Variants in SH3RF3 observed in about 807,000 individuals in gnomAD.
SH3RF3 encodes E3 ubiquitin-protein ligase SH3RF3.
Under a neutral mutation model 66.3 loss-of-function variants are expected in SH3RF3, and 29 were observed. The ratio of observed to expected loss-of-function variants is 0.44; its 90% CI spans 0.33 to 0.60. The LOEUF (loss-of-function observed/expected upper bound fraction) is 0.60, where lower values mean the gene tolerates loss of function less well. SH3RF3 is among the 20% of genes least tolerant of loss of function. The pLI is 0.04. For synonymous variants in SH3RF3, 583 were observed against 532.0 expected (o/e 1.10, Z -1.32); for missense variants, 1,194 against 1,190.9 (o/e 1.00, Z -0.04).
In SH3RF3 at chr2:109,129,976, G is replaced by GC; in HGVS notation, c.441dup (p.Thr148HisfsTer65). On this transcript the variant is annotated frameshift_variant, in exon 1 of 10. Coordinates refer to ENST00000309415, the MANE Select transcript of SH3RF3 (RefSeq NM_001099289.3). LOFTEE classifies it high-confidence loss of function. The stretch of plus-strand genomic sequence containing the variant: ...GCGTCCCATCCCAGGCCAGAGTGCG[G>GC]CCCCCACGCTCGCGGGCGGCGGGGG... 7.6e-7 allele frequency: 1 copy of GC among 1,323,316 alleles called. No individual in the cohort carries two copies. The highest frequency in any genetic ancestry group is 1.5e-5 in the African/African-American group (1 of 64,928). The allele number at this position is 1,323,316 out of a possible 1,614,324, so 82.0% of individuals were successfully genotyped here. A position where few individuals can be genotyped will look rare whatever the true frequency, so the allele number is the denominator to read the frequency against.
intron 1 of SH3RF3, among the ~76,000 whole-genome samples, chr2:109,227,890 T>G (rs1022793319): frequency 2.0e-5 from 3 of 152,264 alleles, no homozygotes; most frequent in African/African-American, 7.2e-5. Context: ...CAACTGCAGT[T>G]CCCTGTAGGC....
chr2:109,455,691 C>G (rs563032664), intron 8 of SH3RF3, among the ~76,000 whole-genome samples: 15 of 152,186 alleles, frequency 9.9e-5, no homozygotes, highest in African/African-American at 2.9e-4. Context: ...TATTTCCTCT[C>G]GAGTGGAGGC....
chr2:109,236,909 T>C (rs1309839445), intron 1 of SH3RF3, among the ~76,000 whole-genome samples: 1 of 152,080 alleles, frequency 6.6e-6, no homozygotes, highest in Non-Finnish European at 1.5e-5. Flanking sequence ...AAGGCATAAG[T>C]ATAGTTCTAG....
Position 109,224,713 on chromosome 2 carries a change from C to T in SH3RF3, c.573+94600C>T, listed in dbSNP as rs141487982. 2.6e-3 allele frequency among the ~76,000 whole-genome samples: 401 copies of T among 152,172 alleles called. 2 individuals carry two copies. The highest frequency in any genetic ancestry group is 9.3e-3 in the African/African-American group (386 of 41,500). On this transcript the variant is annotated intron_variant, in intron 1 of 9. Transcript: ENST00000309415. Reference sequence around the variant, plus strand: ...TCTCTACTAAAATACAAAAATTAGCCCAGCATGGTGGTGGGCACCTGTAAT... The same window carrying T: ...TCTCTACTAAAATACAAAAATTAGCTCAGCATGGTGGTGGGCACCTGTAAT...
chr2:109,381,458 G>A (rs1306853194), intron 3 of SH3RF3, among the ~76,000 whole-genome samples: 3 of 152,156 alleles, frequency 2.0e-5, no homozygotes, highest in African/African-American at 7.2e-5. Flanking sequence ...CGGAGACAGA[G>A]TTCTCACACC....
chr2:109,455,341 A>G (rs1288830777), intron 8 of SH3RF3, among the ~76,000 whole-genome samples: 1 of 152,140 alleles, frequency 6.6e-6, no homozygotes, highest in Non-Finnish European at 1.5e-5. Context: ...ACAATGAATC[A>G]CTTACCAGTC....
chr2:109,411,229 G>A (rs560227244), intron 4 of SH3RF3, among the ~76,000 whole-genome samples: 1 of 152,316 alleles, frequency 6.6e-6, no homozygotes, highest in Non-Finnish European at 1.5e-5. Flanking sequence ...GTACATCCAG[G>A]CAGTGCGCAG....
chr2:109,363,885 T>A (rs927618808), intron 2 of SH3RF3, among the ~76,000 whole-genome samples: 4 of 152,208 alleles, frequency 2.6e-5, no homozygotes, highest in Non-Finnish European at 5.9e-5. Flanking sequence ...TCTTTCAGGA[T>A]TTTTTCTTTA....
In SH3RF3 at chr2:109,332,019, G is replaced by A. The variant is rs76814213; in HGVS notation, c.574-15655G>A. 8.4e-3 allele frequency among the ~76,000 whole-genome samples: 1,275 copies of A among 152,298 alleles called. 14 individuals carry two copies. The highest frequency in any genetic ancestry group is 0.044 in the East Asian group (228 of 5,172). ...GATGCCGGCTGAGCCTGGGAGCAGC[G>A]GTTACCGGAAATCTGTGGCTTTCTG... On this transcript the variant is annotated intron_variant, in intron 1 of 9. Transcript: ENST00000309415.
chr2:109,470,312 C>G (rs1678469065), intron 8 of SH3RF3, among the ~76,000 whole-genome samples: 1 of 152,168 alleles, frequency 6.6e-6, no homozygotes, highest in Non-Finnish European at 1.5e-5. Context: ...GAAATCCATG[C>G]TTGCATTTCG....
intron 1 of SH3RF3, among the ~76,000 whole-genome samples, chr2:109,250,201 A>G (rs188920517): frequency 4.3e-4 from 65 of 151,104 alleles, no homozygotes; most frequent in Admixed American, 3.8e-3. Flanking sequence ...AGGTTTTGAT[A>G]TAATTCAGGA....
At chr2:109,252,125 T>C (rs954245878) in intron 1 of SH3RF3, among the ~76,000 whole-genome samples, 35 of 152,010 alleles carry the variant, frequency 2.3e-4, no homozygotes, top group Non-Finnish European at 2.2e-4. Flanking sequence ...AGGCCTATAG[T>C]CTCAGCTACT....
rs1289949224 is a variant in SH3RF3, at chr2:109,437,116, G to A, written c.1798G>A (p.Ala600Thr). 1.2e-6 allele frequency: 2 copies of A among 1,612,586 alleles called. No individual in the cohort carries two copies. Among genetic ancestry groups the A allele is most frequent in the Non-Finnish European group, 8.5e-7 (1 of 1,179,188 alleles). Residue 600 changes from alanine (A) to threonine (T), a missense_variant, in exon 7 of 10, where the codon GCC becomes ACC. Physicochemically the swap from Ala to Thr is moderately conservative, Grantham distance 58. Coordinates refer to ENST00000309415, the MANE Select transcript of SH3RF3 (RefSeq NM_001099289.3). ...SCLRHSAQPTASQARSTISTA... is the reference protein window; with the variant it reads ...SCLRHSAQPTTSQARSTISTA... ...TCTACGGCACTCAGCCCAGCCAACG[G>A]CCAGCCAAGCCCGGAGCACCATTTC...
At chr2:109,358,571 A>G (rs1042158780) in intron 2 of SH3RF3, among the ~76,000 whole-genome samples, 7 of 152,166 alleles carry the variant, frequency 4.6e-5, no homozygotes, top group African/African-American at 7.2e-5. Context: ...TACACACTAC[A>G]CTGTCTTCTT....
chr2:109,237,810 C>G (rs1457329431), intron 1 of SH3RF3, among the ~76,000 whole-genome samples: 1 of 152,138 alleles, frequency 6.6e-6, no homozygotes, highest in Non-Finnish European at 1.5e-5. Context: ...CAAATACTTT[C>G]TACACAAAGT....
chr2:109,327,897 CTT>C (rs1424898069), intron 1 of SH3RF3, among the ~76,000 whole-genome samples: 1 of 152,088 alleles, frequency 6.6e-6, no homozygotes, highest in East Asian at 1.9e-4. Context: ...ATTTCTTTTT[CTT>C]GTTATTATGG....
chr2:109,428,944 G>T (rs368958523), intron 5 of SH3RF3, among the ~76,000 whole-genome samples: 1 of 152,184 alleles, frequency 6.6e-6, no homozygotes, highest in Non-Finnish European at 1.5e-5. Context: ...ATGTGTCTAC[G>T]AAGACTGGCT....
At chr2:109,484,701 A>G (rs1388227526) in intron 8 of SH3RF3, among the ~76,000 whole-genome samples, 1 of 152,224 alleles carries the variant, frequency 6.6e-6, no homozygotes, top group African/African-American at 2.4e-5. Flanking sequence ...AAGTGATGCA[A>G]TAAATCAAAT....
chr2:109,237,043 G>A (rs1679666700), intron 1 of SH3RF3, among the ~76,000 whole-genome samples: 2 of 152,204 alleles, frequency 1.3e-5, no homozygotes, highest in African/African-American at 2.4e-5. Flanking sequence ...ACAAATGAAA[G>A]CAGTGACATC....
Sources: allele counts gnomAD v4.1 joint callset (sites outside exome capture counted in the v4.1 genomes callset), GRCh38; gene constraint gnomAD v4.1.1; transcripts MANE v1.5; gene names NCBI Gene and HGNC (gene_info 2026-07-23, HGNC 2026-07-21).